The following SNRPN variants were observed in gnomAD, a reference collection of about 807,000 sequenced individuals.
The protein encoded by SNRPN is small nuclear ribonucleoprotein-associated protein N.
In SNRPN, 7 loss-of-function variants were observed where a neutral mutation model predicts 25.2. That is an observed-to-expected ratio of 0.28 (90% CI 0.16 to 0.52). The LOEUF is 0.52. Ranked by LOEUF, SNRPN falls within the 20% of genes least tolerant of loss-of-function variation. The pLI, the probability that SNRPN is intolerant of heterozygous loss-of-function variation, is 0.96. For missense variants in SNRPN, 196 were observed against 322.5 expected (o/e 0.61, Z 3.00); for synonymous variants, 124 against 110.6 (o/e 1.12, Z -0.76).
chr15:24,862,169 T>C (rs2054043563), intron 1 of SNRPN, among the ~76,000 whole-genome samples: 1 of 150,978 alleles, frequency 6.6e-6, no homozygotes, highest in South Asian at 2.1e-4. Context: ...TAAAATAGAC[T>C]AGAAATGATG....
chr15:24,891,728 A>G (rs11635647), intron 2 of SNRPN, among the ~76,000 whole-genome samples: 63,963 of 151,970 alleles, frequency 0.42, 13,620 homozygotes, highest in South Asian at 0.5. Context: ...ATGAGCCACC[A>G]CACCCGGCAA....
intron 2 of SNRPN, among the ~76,000 whole-genome samples, chr15:24,888,770 G>A (rs559973878): frequency 7.2e-5 from 11 of 152,116 alleles, no homozygotes; most frequent in South Asian, 6.2e-4. Context: ...TAGTTTCCTC[G>A]TAAACACAAG....
At chr15:24,920,887 C>G (rs910957117) in intron 3 of SNRPN, among the ~76,000 whole-genome samples, 7 of 152,146 alleles carry the variant, frequency 4.6e-5, no homozygotes, top group Admixed American at 4.6e-4. Flanking sequence ...ATAGCTATTG[C>G]TTTGTGTCTG....
chr15:24,880,983 A>G (rs1051366997), intron 1 of SNRPN, among the ~76,000 whole-genome samples: 3 of 151,858 alleles, frequency 2.0e-5, no homozygotes, highest in African/African-American at 7.3e-5. Context: ...TTTAATCTAC[A>G]AAAAACAAAA....
At chr15:24,976,204 T>C in intron 5 of SNRPN, 101 bp from the exon 6 acceptor site, 1 of 881,672 alleles carries the variant, frequency 1.1e-6, no homozygotes, top group Non-Finnish European at 1.9e-6. Context: ...AGTAAATGTT[T>C]AGCATCAGTT....
At chr15:24,859,518 G>T (rs2053786913) in intron 1 of SNRPN, among the ~76,000 whole-genome samples, 1 of 152,152 alleles carries the variant, frequency 6.6e-6, no homozygotes, top group African/African-American at 2.4e-5. Context: ...ATTTGTTAAA[G>T]ATGTATAAGA....
chr15:24,961,192 T>C (rs2153468115), intron 1 of SNRPN, among the ~76,000 whole-genome samples: 1 of 152,352 alleles, frequency 6.6e-6, no homozygotes, highest in South Asian at 2.1e-4. Context: ...TTTTACCATT[T>C]AGAAATCAAA....
At chr15:24,955,770 G>GGCGGTGGGCATTGGCA (rs1460979977) in intron 1 of SNRPN, among the ~76,000 whole-genome samples, 1 of 150,472 alleles carries the variant, frequency 6.6e-6, no homozygotes, top group Non-Finnish European at 1.5e-5. Flanking sequence ...GGGTATTGGC[G>GGCGGTGGGCATTGGCA]GCGGTGGGCA....
chr15:24,915,308 A>G (rs1199363514), intron 2 of SNRPN, among the ~76,000 whole-genome samples: 1 of 151,746 alleles, frequency 6.6e-6, no homozygotes, highest in African/African-American at 2.4e-5. Flanking sequence ...TTGTATTTTT[A>G]GTAGAGATAG....
chr15:24,841,260 C>G (rs1049899472), intron 2 of SNRPN, among the ~76,000 whole-genome samples: 1 of 151,972 alleles, frequency 6.6e-6, no homozygotes, highest in Non-Finnish European at 1.5e-5. Context: ...GCTTAGGTAA[C>G]AGGCAGGAGT....
At chr15:24,975,652 T>C in intron 5 of SNRPN, 143 bp downstream of exon 5, 1 of 667,796 alleles carries the variant, frequency 1.5e-6, no homozygotes, top group Non-Finnish European at 2.6e-6. Flanking sequence ...CCTCTTGACC[T>C]GATCTCTGAA....
intron 3 of SNRPN, among the ~76,000 whole-genome samples, chr15:24,972,976 C>T (rs1263271506): frequency 3.3e-5 from 5 of 152,138 alleles, no homozygotes; most frequent in Non-Finnish European, 7.4e-5. Flanking sequence ...CAAACTCTGC[C>T]TCCTGGTTTC....
intron 3 of SNRPN, among the ~76,000 whole-genome samples, chr15:24,935,202 G>A (rs752865120): frequency 1.2e-4 from 18 of 151,924 alleles, no homozygotes; most frequent in Non-Finnish European, 1.9e-4. Flanking sequence ...AACCCGGGAG[G>A]TTGAGGTTGC....
At chr15:24,833,676 A>G (rs1471650708) in intron 2 of SNRPN, among the ~76,000 whole-genome samples, 1 of 149,330 alleles carries the variant, frequency 6.7e-6, no homozygotes, top group African/African-American at 2.5e-5. Flanking sequence ...TTAAGAGGCA[A>G]TAGACCATCA....
intron 2 of SNRPN, among the ~76,000 whole-genome samples, chr15:24,903,419 G>GA (rs1415724423): frequency 3.3e-5 from 5 of 152,008 alleles, no homozygotes; most frequent in African/African-American, 4.8e-5. Context: ...GTTTGGCAGA[G>GA]AAAAAACAAA....
At chr15:24,977,998 T>A in intron 8 of SNRPN, 82 bp downstream of exon 8, 1 of 1,378,886 alleles carries the variant, frequency 7.3e-7, no homozygotes, top group Non-Finnish European at 9.9e-7. Context: ...CCTGAGAGCC[T>A]AAGAATTTGG....
chr15:24,840,936 G>C (rs1412432027), intron 2 of SNRPN, among the ~76,000 whole-genome samples: 1 of 152,072 alleles, frequency 6.6e-6, no homozygotes, highest in Non-Finnish European at 1.5e-5. Context: ...CCGCCTCCCA[G>C]GTTTAAGCAC....
chr15:24,907,279 G>T (rs1347889017), intron 2 of SNRPN, among the ~76,000 whole-genome samples: 1 of 152,140 alleles, frequency 6.6e-6, no homozygotes, highest in Non-Finnish European at 1.5e-5. Flanking sequence ...CACTGCTATG[G>T]TTCTAATGAT....
intron 2 of SNRPN, chr15:24,909,532 T>G (rs978641636): frequency 4.1e-6 from 6 of 1,477,916 alleles, no homozygotes; most frequent in South Asian, 3.4e-5. Flanking sequence ...TACAATATGC[T>G]GCAGCATAAT....
Sources: allele counts gnomAD v4.1 joint callset (sites outside exome capture counted in the v4.1 genomes callset), GRCh38; gene constraint gnomAD v4.1.1; transcripts MANE v1.5; gene names NCBI Gene and HGNC (gene_info 2026-07-23, HGNC 2026-07-21).